The following DCAF8L2 variants were observed in gnomAD, a reference collection of about 807,000 sequenced individuals.
The protein encoded by DCAF8L2 is DDB1- and CUL4-associated factor 8-like protein 2.
For synonymous variants in DCAF8L2, 200 were observed against 190.9 expected (o/e 1.05, Z -0.39); for missense variants, 430 against 490.7 (o/e 0.88, Z 1.17).
At chrX:27,497,503 T>TC in the DCAF8L2 span, among the ~76,000 whole-genome samples, 763 of 31,801 alleles carry the variant, frequency 0.024, 20 homozygotes, top group African/African-American at 0.071. Flanking sequence ...CATTATTCTT[T>TC]CTTTCTTTCC....
intron 3 of DCAF8L2, among the ~76,000 whole-genome samples, chrX:27,699,564 A>G (rs1437323037): frequency 1.8e-5 from 2 of 111,743 alleles, no homozygotes; most frequent in Non-Finnish European, 3.8e-5. Flanking sequence ...AGAACAACTG[A>G]TTGTGAGGTT....
At chrX:27,644,756 T>TTTG (rs1481972911) in intron 2 of DCAF8L2, among the ~76,000 whole-genome samples, 2 of 111,680 alleles carry the variant, frequency 1.8e-5, no homozygotes, top group African/African-American at 6.5e-5. Flanking sequence ...CTAACTCTTT[T>TTTG]TTGTTGTTGT....
the DCAF8L2 span, among the ~76,000 whole-genome samples, chrX:27,523,693 A>G: frequency 9.2e-6 from 1 of 108,674 alleles, no homozygotes; most frequent in African/African-American, 3.4e-5. Context: ...ATGTATACAT[A>G]TGCTGTGTTG....
chrX:27,638,333 C>T (rs1451366616), intron 2 of DCAF8L2, among the ~76,000 whole-genome samples: 1 of 111,761 alleles, frequency 8.9e-6, no homozygotes, highest in Non-Finnish European at 1.9e-5. Flanking sequence ...ATTTTCATTG[C>T]TGCCACACTC....
At chrX:27,699,688 A>G (rs958544579) in intron 3 of DCAF8L2, among the ~76,000 whole-genome samples, 4 of 111,238 alleles carry the variant, frequency 3.6e-5, no homozygotes, top group African/African-American at 1.3e-4. Context: ...TTCCATGCTC[A>G]GGTTCTGAGA....
At chrX:27,503,676 T>C in the DCAF8L2 span, among the ~76,000 whole-genome samples, 1 of 111,348 alleles carries the variant, frequency 9.0e-6, no homozygotes, top group African/African-American at 3.3e-5. Context: ...AATATCATAC[T>C]ATATTTATAT....
chrX:27,565,382 A>G, the DCAF8L2 span, among the ~76,000 whole-genome samples: 2 of 111,377 alleles, frequency 1.8e-5, no homozygotes, highest in Non-Finnish European at 3.8e-5. Context: ...ATATTGACCC[A>G]TCCTACATGT....
intron 2 of DCAF8L2, among the ~76,000 whole-genome samples, chrX:27,656,613 G>A (rs1929362401): frequency 8.9e-6 from 1 of 111,804 alleles, no homozygotes; most frequent in Non-Finnish European, 1.9e-5. Flanking sequence ...GTCTGTGGGA[G>A]CTAGGGTGGC....
the DCAF8L2 span, among the ~76,000 whole-genome samples, chrX:27,558,716 G>A: frequency 6.9e-4 from 74 of 106,878 alleles, no homozygotes; most frequent in Middle Eastern, 4.8e-3. Context: ...CCACCAACTC[G>A]TCATCTAGCA....
At chrX:27,490,643 G>A in the DCAF8L2 span, among the ~76,000 whole-genome samples, 8 of 110,017 alleles carry the variant, frequency 7.3e-5, no homozygotes, top group East Asian at 1.7e-3. Flanking sequence ...TGTATTTTTA[G>A]TTGAGATGGG....
intron 1 of DCAF8L2, among the ~76,000 whole-genome samples, chrX:27,625,238 T>TG (rs770530001): frequency 8.9e-6 from 1 of 111,976 alleles, no homozygotes; most frequent in African/African-American, 3.2e-5. Context: ...AACAAGCATA[T>TG]GAAAAAGTGC....
intron 2 of DCAF8L2, among the ~76,000 whole-genome samples, chrX:27,665,245 G>C (rs901487425): frequency 1.8e-5 from 2 of 110,673 alleles, no homozygotes; most frequent in Non-Finnish European, 3.8e-5. Flanking sequence ...AAAAGAAATT[G>C]ATTCTAAACT....
At chrX:27,549,753 C>T in the DCAF8L2 span, among the ~76,000 whole-genome samples, 10,655 of 110,965 alleles carry the variant, frequency 0.096, 404 homozygotes, top group Non-Finnish European at 0.12. Flanking sequence ...TGTCATAAAC[C>T]GCTCAAATTC....
At chrX:27,569,672 G>A in the DCAF8L2 span, among the ~76,000 whole-genome samples, 2 of 111,432 alleles carry the variant, frequency 1.8e-5, no homozygotes, top group East Asian at 5.6e-4. Flanking sequence ...CTTAATATAG[G>A]GATAAGCCTT....
chrX:27,672,830 C>T (rs756322210), intron 2 of DCAF8L2, among the ~76,000 whole-genome samples: 97 of 112,070 alleles, frequency 8.7e-4, no homozygotes, highest in South Asian at 1.1e-3. Flanking sequence ...TGCCTTTTCT[C>T]GTGTCAAATT....
intron 3 of DCAF8L2, among the ~76,000 whole-genome samples, chrX:27,697,716 C>T (rs1930976657): frequency 9.0e-6 from 1 of 111,125 alleles, no homozygotes; most frequent in African/African-American, 3.3e-5. Context: ...GGTAAGCTAG[C>T]TACTTTGTAG....
At chrX:27,655,159 T>G (rs888034011) in intron 2 of DCAF8L2, among the ~76,000 whole-genome samples, 1 of 108,136 alleles carries the variant, frequency 9.2e-6, no homozygotes, top group Non-Finnish European at 1.9e-5. Flanking sequence ...TATTAAACTC[T>G]TTGTACAGTG....
chrX:27,738,826 C>T (rs1038017472), intron 4 of DCAF8L2, among the ~76,000 whole-genome samples: 4 of 111,829 alleles, frequency 3.6e-5, no homozygotes, highest in Admixed American at 9.6e-5. Context: ...CCTCCTCATT[C>T]ATAGTTGATT....
chrX:27,670,116 G>GTT (rs1396183574), intron 2 of DCAF8L2, among the ~76,000 whole-genome samples: 1 of 92,464 alleles, frequency 1.1e-5, no homozygotes, highest in African/African-American at 3.6e-5. Flanking sequence ...TGTTTTTTTT[G>GTT]TTTGTTTTTT....
Sources: gnomAD v4.1 joint callset for allele counts (sites outside exome capture counted in the v4.1 genomes callset) on GRCh38, gnomAD v4.1.1 for gene constraint, MANE v1.5 for transcripts, NCBI Gene and HGNC (gene_info 2026-07-23, HGNC 2026-07-21) for gene names.